RCOR2: variants seen among roughly 807,000 people sequenced by gnomAD.
RCOR2 encodes the protein REST corepressor 2.
RCOR2 carries 19 observed loss-of-function variants against 58.9 expected under a neutral mutation model. The ratio of observed to expected loss-of-function variants is 0.32; its 90% CI spans 0.23 to 0.47. RCOR2 has a LOEUF of 0.47. Ranked by LOEUF, RCOR2 falls within the 20% of genes least tolerant of loss-of-function variation. The probability of loss-of-function intolerance (pLI) is 1.00; values close to 1 mark genes in which losing one functional copy is unlikely to be tolerated. For missense variants in RCOR2, 590 were observed against 707.9 expected (o/e 0.83, Z 1.89); for synonymous variants, 286 against 278.7 (o/e 1.03, Z -0.26).
At chr11:63,912,225 A>C (rs1261966235) in intron 11 of RCOR2, 46 bp from the exon 12 acceptor site, 4 of 1,601,812 alleles carry the variant, frequency 2.5e-6, no homozygotes, top group Admixed American at 1.7e-5. Flanking sequence ...TCCCGCCCTC[A>C]GCCCAGTCTA....
In RCOR2 at chr11:63,912,939, G is replaced by A; in HGVS notation, c.900C>T (p.Ser300=). Residue 300 remains serine, a synonymous_variant, in exon 9 of 12, where the codon AGC becomes AGT. Coordinates refer to ENST00000301459, the MANE Select transcript of RCOR2 (RefSeq NM_173587.4). ...QLISLKRQVQ[S]MKQTNSSLRQ... ...GCAGGCTGCTGTTCGTCTGCTTCAT[G>A]CTCTGTACCTGGGAAGGCCAGGAAG... The A allele has an allele frequency of 1.2e-6, 2 of 1,613,044 alleles. No homozygotes were observed. Among genetic ancestry groups the A allele is most frequent in the Non-Finnish European group, 1.7e-6 (2 of 1,179,638 alleles).
chr11:63,915,071 A>G (rs998120733), intron 3 of RCOR2, 107 bp downstream of exon 3: 52 of 1,537,518 alleles, frequency 3.4e-5, no homozygotes, highest in Middle Eastern at 1.7e-4. Flanking sequence ...CCCCAGGGCA[A>G]GGGTTGGACC....
the RCOR2 span, among the ~76,000 whole-genome samples, chr11:63,926,439 A>G: frequency 1.3e-5 from 2 of 150,388 alleles, no homozygotes; most frequent in African/African-American, 2.5e-5. Context: ...TATATACAAT[A>G]CCTGGAATGA....
chr11:63,916,186 T>A, intron 1 of RCOR2, 144 bp downstream of exon 1: 1 of 807,734 alleles, frequency 1.2e-6, no homozygotes, highest in South Asian at 1.8e-5. Flanking sequence ...CCTGGGTTTG[T>A]GGGAGAAGCA....
rs1941832535 is a variant in RCOR2, at chr11:63,914,773, G to A, written c.362C>T (p.Ser121Leu). The change falls in exon 5 of 12, where the codon TCG becomes TTG. Residue 121 changes from serine (S) to leucine (L), a missense_variant. Transcript: ENST00000301459. ...LLWHKHDVEK[S>L]LADLANFTPF... ...GGTGAAGTTGGCCAGGTCGGCCAGC[G>A]ACTTCTCCACATCGTGCTTATGCCA... 3 of 1,612,634 alleles carry A rather than the reference G, an allele frequency of 1.9e-6. No individual in the cohort carries two copies. Among genetic ancestry groups the A allele is most frequent in the Non-Finnish European group, 2.5e-6 (3 of 1,179,320 alleles).
upstream of RCOR2, among the ~76,000 whole-genome samples, chr11:63,919,850 G>GGCCGCCTGGAAGCAA (rs1941904681): frequency 1.3e-5 from 2 of 152,390 alleles, no homozygotes; most frequent in South Asian, 4.1e-4. Context: ...CCAGGACGCA[G>GGCCGCCTGGAAGCAA]GCCGCCTGGA....
chr11:63,912,001 C>A lies in RCOR2; in HGVS notation c.1436G>T (p.Arg479Leu). 1 of 1,210,122 alleles carries A rather than the reference C, an allele frequency of 8.3e-7. No homozygotes were observed. Among genetic ancestry groups the A allele is most frequent in the African/African-American group, 1.8e-5 (1 of 54,776 alleles). The allele number at this position is 1,210,122 out of a possible 1,614,324, so 75.0% of individuals were successfully genotyped here. The change falls in exon 12 of 12, where the codon CGG (arginine) becomes CTG (leucine). Residue 479 changes from arginine (R) to leucine (L), a missense_variant. Physicochemically the swap from Arg to Leu is moderately radical, Grantham distance 102. Around this residue, in one of 3 missense-constraint regions of RCOR2, gnomAD observed 196 missense variants for 210.7 expected, o/e 0.93. Transcript: ENST00000301459. ...CGGTGGGGGCTGGTTGGGGGCCAGCCGGGGCTGGAGGAAGCGGCCCTGCTG... is the reference window on the plus strand; with the variant it reads ...CGGTGGGGGCTGGTTGGGGGCCAGCAGGGGCTGGAGGAAGCGGCCCTGCTG... ...PLQQGRFLQP[R>L]LAPNQPPPPL...
At position 63,916,447 on chromosome 11, in the gene RCOR2, C is replaced by T. The variant is rs1297600997; in HGVS notation, c.10G>A (p.Val4Met). MPS[V>M]MEKPSAGSGI... ...GAGCCCGCGCTCGGCTTCTCCATCA[C>T]TGAGGGCATTACCCCGCCCAGCTGC... Residue 4 changes from valine (V) to methionine (M), a missense_variant, in exon 1 of 12, where the codon GTG (valine) becomes ATG (methionine). By Grantham distance (21) the Val-to-Met change is conservative. Around this residue, in one of 3 missense-constraint regions of RCOR2, gnomAD observed 390 missense variants for 478.7 expected, o/e 0.81. Coordinates refer to ENST00000301459, the MANE Select transcript of RCOR2 (RefSeq NM_173587.4). 6.2e-7 allele frequency: 1 copy of T among 1,608,418 alleles called. No homozygotes were observed. The highest frequency in any genetic ancestry group is 1.7e-5 in the Admixed American group (1 of 59,626).
Position 63,911,973 on chromosome 11 carries a change from A to G in RCOR2, c.1464T>C (p.Pro488=), listed in dbSNP as rs1351432017. 15 of 1,012,212 alleles carry G rather than the reference A, an allele frequency of 1.5e-5. No homozygotes were observed. The highest frequency in any genetic ancestry group is 3.4e-4 in the Middle Eastern group (1 of 2,928). 62.7% of individuals were successfully genotyped at this position (1,012,212 alleles called of 1,614,324 possible). The change falls in exon 12 of 12, where the codon CCT becomes CCC. Residue 488 remains proline (P), a synonymous_variant. Transcript: ENST00000301459. ...GGGCAGCCAGAGCGGGGCGGATGAG[A>G]GGCGGTGGGGGCTGGTTGGGGGCCA... ...PRLAPNQPPP[P]LIRPALAAPR...
chr11:63,911,912 G>A lies in RCOR2; in HGVS notation c.1525C>T (p.Pro509Ser), dbSNP rs767526390. The change falls in exon 12 of 12, where the codon CCC becomes TCC. Residue 509 changes from proline to serine, a missense_variant. Pro to Ser is a moderately conservative substitution (Grantham distance 74). Transcript: ENST00000301459. The part of the protein sequence containing the change: ...HSARPGPQPP[P>S]TLIGTPLEPP... ...TCCAGAGGGGTTCCAATCAGGGTGG[G>A]TGGGGGCTGAGGGCCAGGGCGGGCG... The A allele has an allele frequency of 7.7e-7, 1 of 1,301,792 alleles. No individual in the cohort carries two copies. The highest frequency in any genetic ancestry group is 1.0e-6 in the Non-Finnish European group (1 of 972,080). The allele number at this position is 1,301,792 out of a possible 1,614,324, so 80.6% of individuals were successfully genotyped here.
In RCOR2 at chr11:63,915,593, C is replaced by T; in HGVS notation, c.146G>A (p.Gly49Glu). Residue 49 changes from glycine to glutamate, a missense_variant, in exon 2 of 12, where the codon GGA becomes GAA. Around this residue, in one of 3 missense-constraint regions of RCOR2, gnomAD observed 390 missense variants for 478.7 expected, o/e 0.81. Coordinates refer to ENST00000301459, the MANE Select transcript of RCOR2 (RefSeq NM_173587.4). ...CGGAATTACGGCCTGGTAATTGGTTCCAACGCGGATCATGCTGTCTGTGGA... is the reference window on the plus strand; with the variant it reads ...CGGAATTACGGCCTGGTAATTGGTTTCAACGCGGATCATGCTGTCTGTGGA... The part of the protein sequence containing the change: ...EHSHDSMIRV[G>E]TNYQAVIPEC... 6.4e-7 allele frequency: 1 copy of T among 1,563,048 alleles called. No individual in the cohort carries two copies. The highest frequency in any genetic ancestry group is 1.4e-5 in the African/African-American group (1 of 73,340).
At chr11:63,913,823 A>G (rs182723837) in intron 8 of RCOR2, 131 bp downstream of exon 8, 6 of 882,078 alleles carry the variant, frequency 6.8e-6, no homozygotes, top group South Asian at 5.9e-5. Context: ...AGAACACCAC[A>G]TTACTCAGAG....
chr11:63,926,806 G>T, the RCOR2 span, among the ~76,000 whole-genome samples: 27 of 126,070 alleles, frequency 2.1e-4, no homozygotes, highest in East Asian at 2.7e-4. Flanking sequence ...TGTTTTTTTT[G>T]TTGTTGTTGT....
At chr11:63,923,383 G>A in the RCOR2 span, among the ~76,000 whole-genome samples, 3 of 132,220 alleles carry the variant, frequency 2.3e-5, no homozygotes, top group African/African-American at 5.1e-5. Flanking sequence ...TCAGCTAGCA[G>A]TATTGCTGCC....
In RCOR2 at chr11:63,916,343, C is replaced by G; in HGVS notation, c.114G>C (p.Glu38Asp). The G allele has an allele frequency of 6.2e-7, 1 of 1,606,146 alleles. No individual in the cohort carries two copies. The highest frequency in any genetic ancestry group is 8.5e-7 in the Non-Finnish European group (1 of 1,177,434). Residue 38 changes from glutamate to aspartate, a missense_variant, in exon 1 of 12, where the codon GAG (glutamate) becomes GAC (aspartate). Glu to Asp is a conservative substitution (Grantham distance 45, BLOSUM62 2). Around this residue, in one of 3 missense-constraint regions of RCOR2, gnomAD observed 390 missense variants for 478.7 expected, o/e 0.81. Coordinates refer to ENST00000301459, the MANE Select transcript of RCOR2 (RefSeq NM_173587.4). ...CACCGGGCTCACCGTGCGAGTGCTC[C>G]TCCTCGCTGCTGTCATCCTCCGAGT... ...QPHSEDDSSE[E>D]EHSHDSMIRV...
chr11:63,916,934 G>C lies in RCOR2; in HGVS notation c.-478C>G, dbSNP rs867422571. 6.6e-6 allele frequency: 1 copy of C among 151,330 alleles called. No individual in the cohort carries two copies. The highest frequency in any genetic ancestry group is 1.5e-5 in the Non-Finnish European group (1 of 67,616). The allele number at this position is 151,330 out of a possible 1,614,324, so 9.4% of individuals were successfully genotyped here. ...CGGGCGGGGACCCGTGTCCTAAGCA[G>C]ACCCCTGCCCGCGACGGCAGCCGGC... On this transcript the variant is annotated 5_prime_UTR_variant, in exon 1 of 12. Transcript: ENST00000301459.
At chr11:63,918,950 C>T (rs1044471889), upstream of RCOR2, among the ~76,000 whole-genome samples, 28 of 152,230 alleles carry the variant, frequency 1.8e-4, no homozygotes, top group African/African-American at 6.5e-4. Context: ...ACTGGATTCC[C>T]TCCGGCCCAG....
intron 1 of RCOR2, among the ~76,000 whole-genome samples, 170 bp downstream of exon 1, chr11:63,916,160 T>C (rs914574050): frequency 5.3e-5 from 8 of 152,216 alleles, no homozygotes; most frequent in Admixed American, 2.6e-4. Flanking sequence ...AGGTTCCAGA[T>C]TGGCTGTGCC....
rs111279077 is a variant in RCOR2, at chr11:63,912,442, G to A, written c.1120C>T (p.Arg374Trp). ...ACCTCCTCCAGATTGAAGCGGCGCC[G>A]GTAGCTCACAAAGAAAGTCTTCACC... ...TQVKTFFVSY[R>W]RRFNLEEVLQ... is the part of the protein sequence containing the mutation. The change falls in exon 11 of 12, where the codon CGG (arginine) becomes TGG (tryptophan). Residue 374 changes from arginine to tryptophan, a missense_variant. Transcript: ENST00000301459. 4.3e-6 allele frequency: 7 copies of A among 1,613,790 alleles called. No homozygotes were observed. Among genetic ancestry groups the A allele is most frequent in the South Asian group, 2.2e-5 (2 of 91,086 alleles).
Sources: gnomAD v4.1 joint callset for allele counts (sites outside exome capture counted in the v4.1 genomes callset) on GRCh38, gnomAD v4.1.1 for gene constraint, gnomAD v4.1.1 regional missense constraint, MANE v1.5 for transcripts, NCBI Gene and HGNC (gene_info 2026-07-23, HGNC 2026-07-21) for gene names.